Variants in MAPK7 observed in about 807,000 individuals in gnomAD.
MAPK7 encodes BMK-1.
MAPK7 carries 30 observed loss-of-function variants against 56.9 expected under a neutral mutation model. That is an observed-to-expected ratio of 0.53 (90% CI 0.39 to 0.72). The LOEUF is 0.72. Ranked by LOEUF, MAPK7 falls within the 30% of genes least tolerant of loss-of-function variation. The pLI, the probability that MAPK7 is intolerant of heterozygous loss-of-function variation, is 0.00. For synonymous variants in MAPK7, 516 were observed against 449.3 expected (o/e 1.15, Z -1.88); for missense variants, 952 against 1,110.8 (o/e 0.86, Z 2.03).
chr17:19,382,250 C>T lies in MAPK7; in HGVS notation c.1947C>T (p.Ile649=). The T allele has an allele frequency of 1.2e-6, 2 of 1,605,116 alleles. No homozygotes were observed. The highest frequency in any genetic ancestry group is 1.1e-5 in the South Asian group (1 of 90,752). ...ACCCCACTGGCCCTCCTGGGCCCAT[C>T]CCTGTCCCCGCGCCACCCCAGATTG... ...APHPTGPPGP[I]PVPAPPQIAT... Residue 649 remains isoleucine (I), a synonymous_variant, in exon 5 of 7, where the codon ATC becomes ATT. Coordinates refer to ENST00000395604, the MANE Select transcript of MAPK7 (RefSeq NM_002749.4).
At position 19,381,086 on chromosome 17, in the gene MAPK7, A is replaced by C; in HGVS notation, c.877A>C (p.Arg293=). 6.2e-7 allele frequency: 1 copy of C among 1,614,026 alleles called. No individual in the cohort carries two copies. Among genetic ancestry groups the C allele is most frequent in the Non-Finnish European group, 8.5e-7 (1 of 1,180,014 alleles). ...CGTGATTCAGGCTGTGGGGGCTGAG[A>C]GGGTGCGGGCCTATATCCAGAGCTT... is the stretch of plus-strand genomic sequence containing the variant. ...PAVIQAVGAE[R]VRAYIQSLPP... is the part of the protein sequence containing the mutation. The change falls in exon 4 of 7, where the codon AGG becomes CGG. Residue 293 remains arginine (R), a synonymous_variant. Transcript: ENST00000395604. This position sits in a 1 kb window ranked among gnomAD's most constrained non-coding sequence, Gnocchi z 4.6.
In MAPK7 at chr17:19,381,567, T is replaced by C. The variant is rs756341504; in HGVS notation, c.1358T>C (p.Leu453Pro). 2 of 1,613,706 alleles carry C rather than the reference T, an allele frequency of 1.2e-6. No homozygotes were observed. The highest frequency in any genetic ancestry group is 2.2e-5 in the South Asian group (2 of 91,084). ...GCACCTGACACCATTGATCTGACCC[T>C]GCAGCCACCTCCACCAGTCAGTGAG... ...GPAPDTIDLT[L>P]QPPPPVSEPA... The change falls in exon 4 of 7, where the codon CTG becomes CCG. Residue 453 changes from leucine (L) to proline (P), a missense_variant. Transcript: ENST00000395604. The surrounding 1 kb of genome is among the most constrained non-coding windows in gnomAD (Gnocchi z 4.6).
chr17:19,380,557 C>T (rs1912560951), intron 3 of MAPK7, 51 bp from the exon 4 acceptor site: 2 of 1,546,634 alleles, frequency 1.3e-6, no homozygotes, highest in Admixed American at 3.6e-5. Context: ...GGGCTTGTCC[C>T]TGGAGTGTGA....
chr17:19,378,732 G>A lies in MAPK7; in HGVS notation c.-6+102G>A. ...CCGACCCTGGCGGGCCCCCGGCTCT[G>A]GGCCCGGACCCCTGGGGTAGCTAGT... is the stretch of plus-strand genomic sequence containing the variant. On this transcript the variant is annotated intron_variant, in intron 1 of 6. Coordinates refer to ENST00000395604, the MANE Select transcript of MAPK7 (RefSeq NM_002749.4). This position sits in a 1 kb window ranked among gnomAD's most constrained non-coding sequence, Gnocchi z 5.4. 2 of 1,344,310 alleles carry A rather than the reference G, an allele frequency of 1.5e-6. No homozygotes were observed. The highest frequency in any genetic ancestry group is 9.7e-7 in the Non-Finnish European group (1 of 1,026,140). 83.3% of individuals were successfully genotyped at this position (1,344,310 alleles called of 1,614,324 possible).
Position 19,381,168 on chromosome 17 carries a change from C to G in MAPK7, c.959C>G (p.Ala320Gly), listed in dbSNP as rs748505375. 1 of 1,614,128 alleles carries G rather than the reference C, an allele frequency of 6.2e-7. No individual in the cohort carries two copies. Among genetic ancestry groups the G allele is most frequent in the South Asian group, 1.1e-5 (1 of 91,086 alleles). ...GTGTACCCAGGTGCCGACCGCCAGG[C>G]CCTATCACTGCTGGGTCGCATGCTG... is the stretch of plus-strand genomic sequence containing the variant. Reference protein sequence around the residue: ...ETVYPGADRQALSLLGRMLRF... With the variant: ...ETVYPGADRQGLSLLGRMLRF... The change falls in exon 4 of 7, where the codon GCC becomes GGC. Residue 320 changes from alanine (A) to glycine (G), a missense_variant. Coordinates refer to ENST00000395604, the MANE Select transcript of MAPK7 (RefSeq NM_002749.4). The surrounding 1 kb of genome is among the most constrained non-coding windows in gnomAD (Gnocchi z 4.6).
intron 2 of MAPK7, chr17:19,379,525 A>G (rs1912452213): frequency 1.8e-6 from 1 of 566,726 alleles, no homozygotes. Flanking sequence ...CATCCGTGCA[A>G]CCTCCAACAA....
rs1400848783 is a variant in MAPK7 at position 19,383,220 on chromosome 17, C to T, written c.2440C>T (p.Gln814Ter). 1.2e-6 allele frequency: 2 copies of T among 1,614,030 alleles called. No individual in the cohort carries two copies. Among genetic ancestry groups the T allele is most frequent in the East Asian group, 2.2e-5 (1 of 44,880 alleles). ...GCTGCTGGCTGACCTGCCTGACCTC[C>T]AGGACCCCTGAGGCCCCCAGCCTGT... is the stretch of plus-strand genomic sequence containing the variant. ...PMLLADLPDL[Q>*]DP The change falls in exon 7 of 7, where the codon CAG (glutamine) becomes TAG (stop). Residue 814 changes from glutamine to a stop codon, truncating the protein, a stop_gained. Transcript: ENST00000395604. LOFTEE classifies it high-confidence loss of function.
chr17:19,379,375 C>T, intron 2 of MAPK7: 6 of 585,996 alleles, frequency 1.0e-5, no homozygotes, highest in Non-Finnish European at 1.8e-5. Context: ...CCAGTTAGAC[C>T]AGAATGGAGA....
Position 19,381,029 on chromosome 17 carries a change from A to G in MAPK7, c.820A>G (p.Ile274Val). The change falls in exon 4 of 7, where the codon ATC (isoleucine) becomes GTC (valine). Residue 274 changes from isoleucine (I) to valine (V), a missense_variant. By Grantham distance (29) the Ile-to-Val change is conservative. Around this residue, in one of 5 missense-constraint regions of MAPK7, gnomAD observed 429 missense variants for 533.0 expected, o/e 0.80. Transcript: ENST00000395604. The surrounding 1 kb of genome is among the most constrained non-coding windows in gnomAD (Gnocchi z 4.6). Reference protein sequence around the residue: ...GKNYVHQLQLIMMVLGTPSPA... With the variant: ...GKNYVHQLQLVMMVLGTPSPA... ...AAACTATGTACACCAGCTACAGCTCATCATGATGGTGCTGGGTACCCCATC... is the reference window on the plus strand; with the variant it reads ...AAACTATGTACACCAGCTACAGCTCGTCATGATGGTGCTGGGTACCCCATC... 1 of 1,614,134 alleles carries G rather than the reference A, an allele frequency of 6.2e-7. No individual in the cohort carries two copies. Among genetic ancestry groups the G allele is most frequent in the East Asian group, 2.2e-5 (1 of 44,878 alleles).
At chr17:19,378,376 C>T (rs535814512), upstream of MAPK7, 23 of 988,332 alleles carry the variant, frequency 2.3e-5, no homozygotes, top group African/African-American at 3.8e-4. The surrounding 1 kb of genome is among the most constrained non-coding windows in gnomAD (Gnocchi z 5.4). Context: ...GCTTTCTCGG[C>T]CGGTGGGCTA....
At position 19,378,866 on chromosome 17, in the gene MAPK7, G is replaced by A; in HGVS notation, c.-5-30G>A. 2.0e-6 allele frequency: 3 copies of A among 1,514,540 alleles called. No individual in the cohort carries two copies. The highest frequency in any genetic ancestry group is 2.8e-5 in the African/African-American group (2 of 72,392). 93.8% of individuals were successfully genotyped at this position (1,514,540 alleles called of 1,614,324 possible). A position where few individuals can be genotyped will look rare whatever the true frequency, so the allele number is the denominator to read the frequency against. On this transcript the variant is annotated intron_variant, in intron 1 of 6. Coordinates refer to ENST00000395604, the MANE Select transcript of MAPK7 (RefSeq NM_002749.4). This position sits in a 1 kb window ranked among gnomAD's most constrained non-coding sequence, Gnocchi z 5.4. ...GGGGACACTGAGGCCCACGGTAGGTGGTCCTCTCCTCACCCGAGTCTCCAC... is the reference window on the plus strand; with the variant it reads ...GGGGACACTGAGGCCCACGGTAGGTAGTCCTCTCCTCACCCGAGTCTCCAC...
Position 19,379,131 on chromosome 17 carries a change from C to A in MAPK7, c.231C>A (p.Thr77=), listed in dbSNP as rs142428761. The stretch of plus-strand genomic sequence containing the variant: ...TGTCCTCCGCCCGCCGCCGCCTCAC[C>A]GGTGAGCTTCCTGAGCCGTCGCCTC... ...GVVSSARRRL[T]GQQVAIKKIP... The change falls in exon 2 of 7, where the codon ACC becomes ACA. Residue 77 remains threonine (T), a splice_region_variant and synonymous_variant. Coordinates refer to ENST00000395604, the MANE Select transcript of MAPK7 (RefSeq NM_002749.4). 6 of 1,611,816 alleles carry A rather than the reference C, an allele frequency of 3.7e-6. No individual in the cohort carries two copies. Among genetic ancestry groups the A allele is most frequent in the East Asian group, 2.2e-5 (1 of 44,846 alleles).
At chr17:19,378,220 C>G (rs1026879786), upstream of MAPK7, 1 of 985,688 alleles carries the variant, frequency 1.0e-6, no homozygotes, top group African/African-American at 1.7e-5. The surrounding 1 kb of genome is among the most constrained non-coding windows in gnomAD (Gnocchi z 5.4). Flanking sequence ...CGTGCAGGGG[C>G]GTTGCCTTCC....
In MAPK7 at chr17:19,381,056, C is replaced by G; in HGVS notation, c.847C>G (p.Pro283Ala). 1.2e-6 allele frequency: 2 copies of G among 1,614,140 alleles called. No homozygotes were observed. Among genetic ancestry groups the G allele is most frequent in the Non-Finnish European group, 1.7e-6 (2 of 1,180,020 alleles). ...CATGATGGTGCTGGGTACCCCATCA[C>G]CAGCCGTGATTCAGGCTGTGGGGGC... ...LIMMVLGTPS[P>A]AVIQAVGAER... The change falls in exon 4 of 7, where the codon CCA (proline) becomes GCA (alanine). Residue 283 changes from proline (P) to alanine (A), a missense_variant. Physicochemically the swap from Pro to Ala is conservative, Grantham distance 27 (BLOSUM62 -1). Around this residue, in one of 5 missense-constraint regions of MAPK7, gnomAD observed 429 missense variants for 533.0 expected, o/e 0.80. Transcript: ENST00000395604. The surrounding 1 kb of genome is among the most constrained non-coding windows in gnomAD (Gnocchi z 4.6).
At position 19,383,214 on chromosome 17, in the gene MAPK7, G is replaced by A; in HGVS notation, c.2434G>A (p.Asp812Asn). Residue 812 changes from aspartate (D) to asparagine (N), a missense_variant, in exon 7 of 7, where the codon GAC becomes AAC. Coordinates refer to ENST00000395604, the MANE Select transcript of MAPK7 (RefSeq NM_002749.4). Reference protein sequence around the residue: ...DSPMLLADLPDLQDP With the variant: ...DSPMLLADLPNLQDP ...CCCAATGCTGCTGGCTGACCTGCCT[G>A]ACCTCCAGGACCCCTGAGGCCCCCA... 2.5e-6 allele frequency: 4 copies of A among 1,614,018 alleles called. No homozygotes were observed. The highest frequency in any genetic ancestry group is 3.4e-6 in the Non-Finnish European group (4 of 1,179,990).
In MAPK7 at chr17:19,382,149, C is replaced by T. The variant is rs752319667; in HGVS notation, c.1846C>T (p.Pro616Ser). ...TGGCCCTGTAGCCCAGCCCACTGGC[C>T]CGCAACCACAATCTGCGGGCTCTAC... Reference protein sequence around the residue: ...PPGPVAQPTGPQPQSAGSTSG... With the variant: ...PPGPVAQPTGSQPQSAGSTSG... Residue 616 changes from proline to serine, a missense_variant, in exon 5 of 7, where the codon CCG (proline) becomes TCG (serine). Pro to Ser is a moderately conservative substitution (Grantham distance 74, BLOSUM62 -1). Around this residue, in one of 5 missense-constraint regions of MAPK7, gnomAD observed 234 missense variants for 210.4 expected, o/e 1.11. Coordinates refer to ENST00000395604, the MANE Select transcript of MAPK7 (RefSeq NM_002749.4). 2 of 1,612,456 alleles carry T rather than the reference C, an allele frequency of 1.2e-6. No individual in the cohort carries two copies. Among genetic ancestry groups the T allele is most frequent in the African/African-American group, 2.7e-5 (2 of 74,886 alleles).
At chr17:19,379,718 G>T in intron 2 of MAPK7, 64 bp from the exon 3 acceptor site, 1 of 1,508,254 alleles carries the variant, frequency 6.6e-7, no homozygotes, top group Admixed American at 1.8e-5. Context: ...GTTGATAGGG[G>T]CTGAGTCGAC....
Position 19,381,714 on chromosome 17 carries a change from GA to G in MAPK7, c.1477+29del, listed in dbSNP as rs769340454. ...GCCTTGTGGGCAGGTCGGGTGGGCA[GA>G]GGGGAGACTTGGACTTGGACAAGGC... On this transcript the variant is annotated intron_variant, in intron 4 of 6. Transcript: ENST00000395604. The surrounding 1 kb of genome is among the most constrained non-coding windows in gnomAD (Gnocchi z 4.6). 10 of 1,551,770 alleles carry G rather than the reference GA, an allele frequency of 6.4e-6. No individual in the cohort carries two copies. Among genetic ancestry groups the G allele is most frequent in the Non-Finnish European group, 8.7e-6 (10 of 1,152,112 alleles).
At chr17:19,379,313 T>C (rs896118981) in intron 2 of MAPK7, 181 bp downstream of exon 2, 3 of 625,212 alleles carry the variant, frequency 4.8e-6, no homozygotes, top group African/African-American at 3.7e-5. Flanking sequence ...AACTCCGGCC[T>C]GGTGGTTTTG....
Sources: gnomAD v4.1 joint callset for allele counts on GRCh38, gnomAD v4.1.1 for gene constraint, gnomAD v4.1.1 regional missense constraint, Gnocchi (gnomAD v3.1) non-coding constraint, MANE v1.5 for transcripts, NCBI Gene and HGNC (gene_info 2026-07-23, HGNC 2026-07-21) for gene names.